ATL1: variants seen among roughly 807,000 people sequenced by gnomAD.
The protein encoded by ATL1 is atlastin-1.
Under a neutral mutation model 75.5 loss-of-function variants are expected in ATL1, and 31 were observed. The ratio of observed to expected loss-of-function variants is 0.41; its 90% CI spans 0.31 to 0.55. The LOEUF is 0.55. Ranked by LOEUF, ATL1 falls within the 20% of genes least tolerant of loss-of-function variation. The pLI is 0.27. For missense variants in ATL1, 405 were observed against 662.6 expected (o/e 0.61, Z 4.27); for synonymous variants, 226 against 233.3 (o/e 0.97, Z 0.28).
chr14:50,555,278 TTTTG>T (rs1003672815), upstream of ATL1, among the ~76,000 whole-genome samples: 4 of 124,262 alleles, frequency 3.2e-5, no homozygotes, highest in African/African-American at 1.2e-4. Context: ...TTTTGTTTTG[TTTTG>T]TTTGTTTGTT....
chr14:50,542,088 A>T (rs184040862), intron 1 of ATL1, among the ~76,000 whole-genome samples: 411 of 148,968 alleles, frequency 2.8e-3, no homozygotes, highest in Non-Finnish European at 4.9e-3. Flanking sequence ...GTCTGTTTGA[A>T]AGGCAACTCT....
At position 50,628,262 on chromosome 14, in the gene ATL1, C is replaced by G. The variant is rs1566735821; in HGVS notation, c.1351C>G (p.Leu451Val). 6.2e-7 allele frequency: 1 copy of G among 1,614,182 alleles called. No individual in the cohort carries two copies. Among genetic ancestry groups the G allele is most frequent in the African/African-American group, 1.3e-5 (1 of 75,034 alleles). ...IFHAARTPAT[L>V]FVVIFITYVI... ...CCATGCAGCTCGTACCCCAGCCACA[C>G]TGTTTGTAGTCATCTTTATCACATA... Residue 451 changes from leucine to valine, a missense_variant, in exon 12 of 14, where the codon CTG (leucine) becomes GTG (valine). Leu to Val is a conservative substitution (Grantham distance 32, BLOSUM62 1). This residue lies in a region of ATL1 where 163 missense variants were observed against 244.1 expected (regional missense o/e 0.67). Coordinates refer to ENST00000358385, the MANE Select transcript of ATL1 (RefSeq NM_015915.5).
intron 1 of ATL1, among the ~76,000 whole-genome samples, chr14:50,566,983 T>A (rs915835980): frequency 1.3e-5 from 2 of 152,186 alleles, no homozygotes; most frequent in Non-Finnish European, 2.9e-5. Context: ...TAACATAAAT[T>A]TTACCATCAT....
Position 50,629,982 on chromosome 14 carries a change from G to A in ATL1, c.1552-13G>A. Reference sequence around the variant, plus strand: ...TACTTTTCTTTTTTCTTTTTAATCTGCCTTTGCCACAGGGAAGTACAAATG... The same window carrying A: ...TACTTTTCTTTTTTCTTTTTAATCTACCTTTGCCACAGGGAAGTACAAATG... On this transcript the variant is annotated splice_polypyrimidine_tract_variant and intron_variant, in intron 12 of 13. Transcript: ENST00000358385. 1 of 1,588,548 alleles carries A rather than the reference G, an allele frequency of 6.3e-7. No individual in the cohort carries two copies. The highest frequency in any genetic ancestry group is 8.6e-7 in the Non-Finnish European group (1 of 1,163,210).
At chr14:50,627,050 T>C (rs1288201758) in intron 11 of ATL1, among the ~76,000 whole-genome samples, 1 of 152,210 alleles carries the variant, frequency 6.6e-6, no homozygotes, top group African/African-American at 2.4e-5. Flanking sequence ...TACAGAGAAA[T>C]CTTTCATGAA....
At chr14:50,598,263 A>G (rs1004644352) in intron 6 of ATL1, among the ~76,000 whole-genome samples, 1 of 152,236 alleles carries the variant, frequency 6.6e-6, no homozygotes, top group Non-Finnish European at 1.5e-5. Context: ...GTGCAATTAT[A>G]ATTGAAATTA....
chr14:50,559,481 C>T (rs1191402270), upstream of ATL1: 1 of 152,070 alleles, frequency 6.6e-6, no homozygotes, highest in Non-Finnish European at 1.5e-5. Context: ...CTGCCAGGGC[C>T]CACCCATACC....
chr14:50,570,740 C>T (rs1042328082), intron 1 of ATL1, among the ~76,000 whole-genome samples: 1 of 152,070 alleles, frequency 6.6e-6, no homozygotes, highest in Non-Finnish European at 1.5e-5. Flanking sequence ...ATTTTTTTCC[C>T]TTAAATGGCC....
At chr14:50,556,131 CTTGACTT>C (rs1443861756), upstream of ATL1, among the ~76,000 whole-genome samples, 8 of 152,074 alleles carry the variant, frequency 5.3e-5, no homozygotes, top group African/African-American at 1.9e-4. Context: ...TTAAAATGAA[CTTGACTT>C]TTGACTTTTT....
At chr14:50,558,214 C>G (rs115407905), upstream of ATL1, among the ~76,000 whole-genome samples, 1,208 of 152,198 alleles carry the variant, frequency 7.9e-3, 9 homozygotes, top group African/African-American at 0.027. Context: ...ACAAAAACAG[C>G]CAGGCGTGCT....
rs116515704 is a variant in ATL1, at chr14:50,630,955, C to A, written c.1566+946C>A. ...AGATCTGAAGATGGTACCATACAGA[C>A]GTAATGCCATAAGAAAATCAAGGCC... On this transcript the variant is annotated intron_variant, in intron 13 of 13. Transcript: ENST00000358385. The A allele has an allele frequency of 8.7e-4, 395 of 455,444 alleles. 2 individuals carry two copies. Among genetic ancestry groups the A allele is most frequent in the African/African-American group, 7.3e-3 (365 of 50,112 alleles). The allele number at this position is 455,444 out of a possible 1,614,324, so 28.2% of individuals were successfully genotyped here. A position where few individuals can be genotyped will look rare whatever the true frequency, so the allele number is the denominator to read the frequency against.
intron 1 of ATL1, among the ~76,000 whole-genome samples, chr14:50,568,499 T>G (rs2038925256): frequency 6.6e-6 from 1 of 152,210 alleles, no homozygotes; most frequent in Non-Finnish European, 1.5e-5. Flanking sequence ...TCTACTCTCT[T>G]TTGGTTTATA....
intron 6 of ATL1, 22 bp downstream of exon 6, chr14:50,595,654 G>C: frequency 6.2e-7 from 1 of 1,610,376 alleles, no homozygotes; most frequent in Non-Finnish European, 8.5e-7. Flanking sequence ...TTAAATGATG[G>C]TAAATTCTTA....
chr14:50,585,215 A>T (rs2039090614), intron 1 of ATL1, among the ~76,000 whole-genome samples: 1 of 152,240 alleles, frequency 6.6e-6, no homozygotes, highest in Admixed American at 6.5e-5. Context: ...TTAGAAAAAG[A>T]CAATTTTGCT....
chr14:50,593,037 AT>A (rs1170500335), intron 4 of ATL1, among the ~76,000 whole-genome samples: 2 of 151,202 alleles, frequency 1.3e-5, no homozygotes, highest in Admixed American at 6.6e-5. Context: ...GAATACACAC[AT>A]TGTATAAGCC....
chr14:50,590,872 A>AGAAT (rs1310891913), intron 2 of ATL1, 69 bp from the exon 3 acceptor site: 1 of 1,509,172 alleles, frequency 6.6e-7, no homozygotes, highest in Non-Finnish European at 9.2e-7. Flanking sequence ...GATAAGAATC[A>AGAAT]GAATGAATGA....
intron 1 of ATL1, among the ~76,000 whole-genome samples, chr14:50,582,423 TC>T (rs2039064868): frequency 6.6e-6 from 1 of 151,022 alleles, no homozygotes; most frequent in East Asian, 1.9e-4. Context: ...TTTTTTTTTT[TC>T]CATAAGACGG....
chr14:50,560,075 G>A, upstream of ATL1: 1 of 652,898 alleles, frequency 1.5e-6, no homozygotes, highest in Middle Eastern at 4.1e-4. Context: ...GTGATGCTGA[G>A]CTTGGTTCAT....
rs1269848425 is a variant in ATL1, at chr14:50,628,220, G to A, written c.1309G>A (p.Asp437Asn). The A allele has an allele frequency of 1.9e-6, 3 of 1,614,024 alleles. No individual in the cohort carries two copies. Among genetic ancestry groups the A allele is most frequent in the Non-Finnish European group, 2.5e-6 (3 of 1,180,034 alleles). Reference protein sequence around the residue: ...ELYIQYIKHNDSKNIFHAART... With the variant: ...ELYIQYIKHNNSKNIFHAART... ...TTACATCCAATATATCAAGCACAATGATAGCAAAAATATCTTCCATGCAGC... is the reference window on the plus strand; with the variant it reads ...TTACATCCAATATATCAAGCACAATAATAGCAAAAATATCTTCCATGCAGC... The change falls in exon 12 of 14, where the codon GAT becomes AAT. Residue 437 changes from aspartate (D) to asparagine (N), a missense_variant. Physicochemically the swap from Asp to Asn is conservative, Grantham distance 23. Around this residue, in one of 5 missense-constraint regions of ATL1, gnomAD observed 163 missense variants for 244.1 expected, o/e 0.67. Transcript: ENST00000358385.
Sources: gnomAD v4.1 joint callset for allele counts (sites outside exome capture counted in the v4.1 genomes callset) on GRCh38, gnomAD v4.1.1 for gene constraint, gnomAD v4.1.1 regional missense constraint, MANE v1.5 for transcripts, NCBI Gene and HGNC (gene_info 2026-07-23, HGNC 2026-07-21) for gene names.